GSE1: variants seen among roughly 807,000 people sequenced by gnomAD.
GSE1 encodes the protein genetic suppressor element 1.
Under a neutral mutation model 112.6 loss-of-function variants are expected in GSE1, and 32 were observed. That is an observed-to-expected ratio of 0.28 (90% CI 0.21 to 0.38). The LOEUF is 0.38. GSE1 is among the 10% of genes least tolerant of loss of function. The pLI, the probability that GSE1 is intolerant of heterozygous loss-of-function variation, is 1.00. For missense variants in GSE1, 2,348 were observed against 1,699.2 expected, an observed-to-expected ratio of 1.38 and a Z score of -6.71; for synonymous variants, 1,115 against 735.6, an observed-to-expected ratio of 1.52 and a Z score of -8.35.
In GSE1 at chr16:85,656,268, T is replaced by G; in HGVS notation, c.990-75T>G. 6 of 1,560,752 alleles carry G rather than the reference T, an allele frequency of 3.8e-6. No homozygotes were observed. The South Asian group carries it at 7.2e-5, about 19-fold the overall frequency. ...CGCCCTGGCTCGTTCCTGGTTATGCTTTTTAAGGGCCTGCCCCAGGTCCGT... is the reference window on the plus strand; with the variant it reads ...CGCCCTGGCTCGTTCCTGGTTATGCGTTTTAAGGGCCTGCCCCAGGTCCGT... On this transcript the variant is annotated intron_variant, in intron 6 of 15. Coordinates refer to ENST00000253458, the MANE Select transcript of GSE1 (RefSeq NM_014615.5).
intron 1 of GSE1, among the ~76,000 whole-genome samples, chr16:85,249,924 C>G (rs1037484818): frequency 6.6e-6 from 1 of 152,242 alleles, no homozygotes; most frequent in African/African-American, 2.4e-5. Context: ...GGGCCGAGAG[C>G]GATGCCAGCT....
In GSE1 at chr16:85,613,408, C is replaced by G; in HGVS notation, c.7+10C>G. ...GGCCCTGGCATGAAAGGTGAGCGCG[C>G]CGCACCCGGCCGGGGACGGGGTCCT... On this transcript the variant is annotated intron_variant, in intron 1 of 15. Transcript: ENST00000253458. The G allele has an allele frequency of 9.6e-6, 15 of 1,554,764 alleles. No homozygotes were observed. Among genetic ancestry groups the G allele is most frequent in the Non-Finnish European group, 1.3e-5 (15 of 1,150,188 alleles).
chr16:85,370,065 G>GCGC (rs2151595519), intron 2 of GSE1, among the ~76,000 whole-genome samples: 1 of 152,278 alleles, frequency 6.6e-6, no homozygotes, highest in South Asian at 2.1e-4. Flanking sequence ...GGTGGTCCCT[G>GCGC]CGCCACCCTT....
At chr16:85,200,347 TAATG>T (rs2075005183) in intron 1 of GSE1, among the ~76,000 whole-genome samples, 1 of 151,470 alleles carries the variant, frequency 6.6e-6, no homozygotes. Context: ...ACAGGGAGAA[TAATG>T]AATGTTTATG....
At chr16:85,172,318 C>T (rs887625460) in intron 1 of GSE1, among the ~76,000 whole-genome samples, 3 of 152,168 alleles carry the variant, frequency 2.0e-5, no homozygotes, top group African/African-American at 7.2e-5. Context: ...TCTTTTGAGA[C>T]CGTGCTTGCT....
chr16:85,578,934 C>G (rs1468147835), intron 1 of GSE1, among the ~76,000 whole-genome samples: 1 of 152,050 alleles, frequency 6.6e-6, no homozygotes, highest in African/African-American at 2.4e-5. Flanking sequence ...CCCCCCAGCA[C>G]AGCGATCTGG....
intron 1 of GSE1, among the ~76,000 whole-genome samples, chr16:85,205,107 C>G (rs903811924): frequency 1.3e-5 from 2 of 152,088 alleles, no homozygotes; most frequent in African/African-American, 4.8e-5. Flanking sequence ...TCATCGTTGT[C>G]TCCTTTAATT....
intron 1 of GSE1, among the ~76,000 whole-genome samples, chr16:85,331,060 C>G (rs2046329786): frequency 1.3e-5 from 2 of 152,098 alleles, no homozygotes; most frequent in African/African-American, 4.8e-5. Flanking sequence ...CCTCTCTGAG[C>G]TCAGGCGCTC....
intron 5 of GSE1, among the ~76,000 whole-genome samples, chr16:85,655,450 T>G (rs1567733099): frequency 6.6e-6 from 1 of 152,164 alleles, no homozygotes; most frequent in Non-Finnish European, 1.5e-5. Context: ...CTCGCCAGCC[T>G]TGGAAGGGCC....
chr16:85,344,217 C>A (rs936592199), intron 1 of GSE1, among the ~76,000 whole-genome samples: 2 of 152,114 alleles, frequency 1.3e-5, no homozygotes, highest in African/African-American at 4.8e-5. Flanking sequence ...AGGGATAGTG[C>A]CCAGGGGAAA....
At position 85,672,497 on chromosome 16, in the gene GSE1, A is replaced by G; in HGVS notation, c.3612A>G (p.Ala1204=). ...TACGAAAGTGCCTTGCCTTGCCTGC[A>G]ATGCACTGGCCTAGGGGCTACCTGA... ...DHLRKCLALP[A]MHWPRGYLKG... The change falls in exon 16 of 16, where the codon GCA becomes GCG. Residue 1204 remains alanine, a synonymous_variant. Transcript: ENST00000253458. The G allele has an allele frequency of 6.2e-7, 1 of 1,613,220 alleles. No individual in the cohort carries two copies. Among genetic ancestry groups the G allele is most frequent in the Non-Finnish European group, 8.5e-7 (1 of 1,179,292 alleles).
At chr16:85,225,362 G>T (rs146096023) in intron 1 of GSE1, among the ~76,000 whole-genome samples, 1 of 152,196 alleles carries the variant, frequency 6.6e-6, no homozygotes, top group Non-Finnish European at 1.5e-5. Flanking sequence ...AGAGCAGTCA[G>T]TGCAGAGGGC....
intron 1 of GSE1, among the ~76,000 whole-genome samples, chr16:85,598,598 C>T (rs2047335427): frequency 6.6e-6 from 1 of 152,392 alleles, no homozygotes; most frequent in East Asian, 1.9e-4. Flanking sequence ...GCTCCCTCAG[C>T]CACCAAGGAG....
chr16:85,462,906 C>T (rs965914042), intron 2 of GSE1, among the ~76,000 whole-genome samples: 2 of 150,886 alleles, frequency 1.3e-5, no homozygotes, highest in African/African-American at 2.4e-5. Context: ...CGCAGGGACG[C>T]CCCGGCTGCT....
At chr16:85,276,135 G>T (rs1909336695) in intron 1 of GSE1, among the ~76,000 whole-genome samples, 1 of 152,250 alleles carries the variant, frequency 6.6e-6, no homozygotes, top group Non-Finnish European at 1.5e-5. Flanking sequence ...GAGAGGTTGA[G>T]TGACTTGCCT....
chr16:85,628,853 C>T (rs548282429), intron 1 of GSE1, among the ~76,000 whole-genome samples: 16 of 152,300 alleles, frequency 1.1e-4, no homozygotes, highest in African/African-American at 7.2e-5. Flanking sequence ...GTCTGGGACT[C>T]GCGCCATGGC....
upstream of GSE1, among the ~76,000 whole-genome samples, chr16:85,553,272 A>ACCCCGC (rs1555531375): frequency 2.0e-4 from 30 of 147,796 alleles, 2 homozygotes; most frequent in South Asian, 4.7e-3. Context: ...CCGGACCCCG[A>ACCCCGC]CCCCGCCGCC....
intron 1 of GSE1, among the ~76,000 whole-genome samples, chr16:85,308,967 G>A (rs1334185303): frequency 6.6e-6 from 1 of 150,518 alleles, no homozygotes; most frequent in African/African-American, 2.5e-5. Context: ...TCTGCATTCA[G>A]GTAGTGACAG....
chr16:85,171,589 CAGG>C, exon 1 of GSE1: 1 of 985,578 alleles, frequency 1.0e-6, no homozygotes, highest in Non-Finnish European at 1.2e-6. Context: ...CTTTTGTCAG[CAGG>C]AGAAGAAACG....
Sources: allele counts gnomAD v4.1 joint callset (sites outside exome capture counted in the v4.1 genomes callset), GRCh38; gene constraint gnomAD v4.1.1; transcripts MANE v1.5; gene names NCBI Gene and HGNC (gene_info 2026-07-23, HGNC 2026-07-21).